SRPK2: variants seen among roughly 807,000 people sequenced by gnomAD.
SRPK2 encodes the protein SFRS protein kinase 2.
Under a neutral mutation model 90.8 loss-of-function variants are expected in SRPK2, and 21 were observed. The observed-to-expected ratio is 0.23, with a 90% CI of 0.16 to 0.33. The LOEUF is 0.33. SRPK2 is among the 10% of genes least tolerant of loss of function. The probability of loss-of-function intolerance (pLI) is 1.00; values close to 1 mark genes in which losing one functional copy is unlikely to be tolerated. For synonymous variants in SRPK2, 288 were observed against 311.1 expected (o/e 0.93, Z 0.78); for missense variants, 620 against 869.0 (o/e 0.71, Z 3.60).
intron 1 of SRPK2, among the ~76,000 whole-genome samples, chr7:105,394,944 G>A (rs927519488): frequency 2.6e-4 from 40 of 152,196 alleles, no homozygotes; most frequent in African/African-American, 8.0e-4. Flanking sequence ...GCCAAGGTGG[G>A]CGGGACATGA....
intron 3 of SRPK2, among the ~76,000 whole-genome samples, chr7:105,194,636 G>A (rs1228038210): frequency 1.3e-5 from 2 of 152,116 alleles, no homozygotes; most frequent in Non-Finnish European, 2.9e-5. Flanking sequence ...CATGTTAATG[G>A]GTTGGAAGAT....
intron 2 of SRPK2, among the ~76,000 whole-genome samples, chr7:105,350,083 C>G (rs1252964381): frequency 1.4e-5 from 2 of 147,750 alleles, no homozygotes; most frequent in South Asian, 2.2e-4. Flanking sequence ...AAATATATCA[C>G]CTGAATTTTT....
chr7:105,155,775 T>C (rs1236910800), intron 7 of SRPK2, among the ~76,000 whole-genome samples: 8 of 152,168 alleles, frequency 5.3e-5, no homozygotes, highest in Non-Finnish European at 7.4e-5. Context: ...AAGGATGGCA[T>C]TTCTGGCAGC....
At chr7:105,166,049 G>A (rs1054889748) in intron 6 of SRPK2, among the ~76,000 whole-genome samples, 21 of 152,018 alleles carry the variant, frequency 1.4e-4, no homozygotes, top group African/African-American at 4.6e-4. Flanking sequence ...AGAAGGAAAC[G>A]GACACATTAC....
In SRPK2 at chr7:105,388,851, C is replaced by A. The variant is rs559359453; in HGVS notation, c.-45G>T. On this transcript the variant is annotated 5_prime_UTR_variant, in exon 1 of 16. Coordinates refer to ENST00000393651, the MANE Select transcript of SRPK2 (RefSeq NM_182692.3). ...GGCGGGGGGCTTCGCGACGGCGACG[C>A]GGGCGCCGAGACGAGCTGGGCTGCA... 1 of 1,313,632 alleles carries A rather than the reference C, an allele frequency of 7.6e-7. No homozygotes were observed. Among genetic ancestry groups the A allele is most frequent in the Non-Finnish European group, 9.6e-7 (1 of 1,037,324 alleles). 81.4% of individuals were successfully genotyped at this position (1,313,632 alleles called of 1,614,324 possible).
chr7:105,344,677 C>A (rs1045851468), intron 2 of SRPK2, among the ~76,000 whole-genome samples: 32 of 151,492 alleles, frequency 2.1e-4, no homozygotes, highest in African/African-American at 7.8e-4. Flanking sequence ...CAGACCCCTG[C>A]TCTACACTCT....
At chr7:105,200,388 A>G (rs1300548439) in intron 3 of SRPK2, among the ~76,000 whole-genome samples, 1 of 152,188 alleles carries the variant, frequency 6.6e-6, no homozygotes, top group Non-Finnish European at 1.5e-5. Context: ...CCTAAGAACA[A>G]AATTTGGGAT....
chr7:105,336,774 A>G (rs1015184134), intron 2 of SRPK2, among the ~76,000 whole-genome samples: 5 of 152,180 alleles, frequency 3.3e-5, no homozygotes, highest in Non-Finnish European at 5.9e-5. Flanking sequence ...CCCTACAGTA[A>G]CTGTGGAAAT....
chr7:105,149,722 T>G (rs1430056456), intron 7 of SRPK2, among the ~76,000 whole-genome samples: 1 of 152,180 alleles, frequency 6.6e-6, no homozygotes, highest in Non-Finnish European at 1.5e-5. Context: ...TGATCAACAG[T>G]AAGCTATTAG....
intron 2 of SRPK2, among the ~76,000 whole-genome samples, chr7:105,331,271 T>C (rs1002868132): frequency 3.4e-5 from 4 of 117,980 alleles, no homozygotes; most frequent in African/African-American, 1.3e-4. Flanking sequence ...ATTGTGCCAT[T>C]GCACTCCAGC....
chr7:105,170,863 GAAAGAAAGAAAGAAAGA>G (rs1563025296), intron 3 of SRPK2, among the ~76,000 whole-genome samples: 2 of 78,442 alleles, frequency 2.5e-5, no homozygotes, highest in African/African-American at 8.8e-5. Flanking sequence ...AAGAAAGAAA[GAAAGAAAGAAAGAAAGA>G]AAGAAAGAAA....
chr7:105,176,938 T>A (rs1296854603), intron 3 of SRPK2, among the ~76,000 whole-genome samples: 1 of 152,162 alleles, frequency 6.6e-6, no homozygotes, highest in Non-Finnish European at 1.5e-5. Context: ...CCCTGCCTAG[T>A]CATATATTTT....
intron 2 of SRPK2, among the ~76,000 whole-genome samples, chr7:105,315,997 C>T (rs1163727929): frequency 6.6e-6 from 1 of 150,512 alleles, no homozygotes; most frequent in Non-Finnish European, 1.5e-5. Flanking sequence ...AAGGTGTACA[C>T]TAAACGAAAA....
At chr7:105,265,770 A>AT (rs1457158717) in intron 2 of SRPK2, among the ~76,000 whole-genome samples, 3 of 152,156 alleles carry the variant, frequency 2.0e-5, no homozygotes, top group African/African-American at 7.2e-5. Flanking sequence ...CTGCAGTAGG[A>AT]TTTACCCCTA....
At chr7:105,302,665 T>C (rs1359749876) in intron 2 of SRPK2, among the ~76,000 whole-genome samples, 2 of 152,152 alleles carry the variant, frequency 1.3e-5, no homozygotes, top group Non-Finnish European at 2.9e-5. Context: ...AATAAATTAA[T>C]ATCTATTTAT....
Position 105,252,609 on chromosome 7 carries a change from T to C in SRPK2, c.72-48824A>G, listed in dbSNP as rs149936502. ...CAGTGGAAGACAGACTGCCCAGAAA[T>C]TCCACTTAGGCAGCACTGGCCTAAG... On this transcript the variant is annotated intron_variant, in intron 2 of 15. Coordinates refer to ENST00000393651, the MANE Select transcript of SRPK2 (RefSeq NM_182692.3). Among the ~76,000 whole-genome samples the C allele has an allele frequency of 1.3e-3, 201 of 152,308 alleles. 1 individual carries two copies. Among genetic ancestry groups the C allele is most frequent in the African/African-American group, 4.5e-3 (188 of 41,570 alleles).
rs1279052630 is a variant in SRPK2, at chr7:105,271,673, C to G, written c.72-67888G>C. Reference sequence around the variant, plus strand: ...GACTTATTAGAAAAGGCTTGGCTATCGACTCCAGGCTCCTCAGTCCACAGA... The same window carrying G: ...GACTTATTAGAAAAGGCTTGGCTATGGACTCCAGGCTCCTCAGTCCACAGA... On this transcript the variant is annotated intron_variant, in intron 2 of 15. Transcript: ENST00000393651. 3.3e-5 allele frequency among the ~76,000 whole-genome samples: 5 copies of G among 152,278 alleles called. No individual in the cohort carries two copies. In the East Asian group the frequency reaches 9.6e-4, roughly 29 times the overall value.
At chr7:105,357,418 T>C (rs916000322) in intron 2 of SRPK2, among the ~76,000 whole-genome samples, 1 of 152,316 alleles carries the variant, frequency 6.6e-6, no homozygotes, top group Non-Finnish European at 1.5e-5. Flanking sequence ...TGTCCCTTTA[T>C]TTTAGTTTGA....
Position 105,359,825 on chromosome 7 carries a change from G to T in SRPK2, c.71+28823C>A, listed in dbSNP as rs145421871. Reference sequence around the variant, plus strand: ...TTGTGATCAATTTTAGAATAAGTGCGATGTGGTGCTGAGAAGAATGTATAT... The same window carrying T: ...TTGTGATCAATTTTAGAATAAGTGCTATGTGGTGCTGAGAAGAATGTATAT... On this transcript the variant is annotated intron_variant, in intron 2 of 15. Coordinates refer to ENST00000393651, the MANE Select transcript of SRPK2 (RefSeq NM_182692.3). 9.0e-3 allele frequency among the ~76,000 whole-genome samples: 1,369 copies of T among 152,248 alleles called. 12 individuals are homozygous for T. The highest frequency in any genetic ancestry group is 0.054 in the South Asian group (261 of 4,806).
Sources: gnomAD v4.1 joint callset for allele counts (sites outside exome capture counted in the v4.1 genomes callset) on GRCh38, gnomAD v4.1.1 for gene constraint, MANE v1.5 for transcripts, NCBI Gene and HGNC (gene_info 2026-07-23, HGNC 2026-07-21) for gene names.